RANBP17: variants seen among roughly 807,000 people sequenced by gnomAD.
The protein encoded by RANBP17 is ran-binding protein 17.
In RANBP17, 158 loss-of-function variants were observed where a neutral mutation model predicts 141.2. That is an observed-to-expected ratio of 1.12 (90% CI 0.98 to 1.28). The LOEUF (loss-of-function observed/expected upper bound fraction) is 1.28. Among genes scored for constraint, RANBP17 ranks in the 50% most tolerant of loss-of-function variants. The pLI, the probability that RANBP17 is intolerant of heterozygous loss-of-function variation, is 0.00. For missense variants in RANBP17, 1,438 were observed against 1,290.7 expected (o/e 1.11, Z -1.75); for synonymous variants, 430 against 450.0 (o/e 0.96, Z 0.56).
intron 13 of RANBP17, among the ~76,000 whole-genome samples, chr5:170,959,887 G>A (rs1385756025): frequency 6.6e-6 from 1 of 152,164 alleles, no homozygotes; most frequent in Non-Finnish European, 1.5e-5. Context: ...TACTCTCTCA[G>A]GGATGGCAGA....
At chr5:171,117,053 C>G (rs181249721) in intron 14 of RANBP17, among the ~76,000 whole-genome samples, 1 of 152,138 alleles carries the variant, frequency 6.6e-6, no homozygotes, top group Non-Finnish European at 1.5e-5. Flanking sequence ...TTTTCTTTAT[C>G]CATTTATCCA....
At chr5:171,132,984 CA>C (rs1350447283) in intron 14 of RANBP17, among the ~76,000 whole-genome samples, 3 of 152,040 alleles carry the variant, frequency 2.0e-5, no homozygotes, top group African/African-American at 7.2e-5. Flanking sequence ...CTTCTGGTTT[CA>C]AGTGATTCTT....
At chr5:170,963,273 C>T (rs1406315512) in intron 13 of RANBP17, among the ~76,000 whole-genome samples, 1 of 152,100 alleles carries the variant, frequency 6.6e-6, no homozygotes, top group East Asian at 1.9e-4. Context: ...ACTGGGTAGG[C>T]ATCTTTAAAA....
At chr5:171,159,757 T>TA (rs1209444611) in intron 14 of RANBP17, among the ~76,000 whole-genome samples, 2 of 150,864 alleles carry the variant, frequency 1.3e-5, no homozygotes, top group Non-Finnish European at 3.0e-5. Flanking sequence ...TCGTCTCTAC[T>TA]AAAAAAATAC....
intron 14 of RANBP17, among the ~76,000 whole-genome samples, chr5:171,135,620 T>C (rs1316245400): frequency 6.6e-6 from 1 of 152,192 alleles, no homozygotes; most frequent in African/African-American, 2.4e-5. Flanking sequence ...CAAAAATCAC[T>C]TTGAGTTGTT....
At chr5:170,952,479 G>A (rs911446508) in intron 12 of RANBP17, among the ~76,000 whole-genome samples, 1 of 151,986 alleles carries the variant, frequency 6.6e-6, no homozygotes, top group Non-Finnish European at 1.5e-5. Flanking sequence ...AGGTTGATAT[G>A]TCTCACCAAA....
At chr5:171,296,396 C>T (rs1477215082) in intron 27 of RANBP17, among the ~76,000 whole-genome samples, 1 of 152,024 alleles carries the variant, frequency 6.6e-6, no homozygotes, top group South Asian at 2.1e-4. Flanking sequence ...CAGACAGACC[C>T]GAGATACAGC....
intron 14 of RANBP17, among the ~76,000 whole-genome samples, chr5:171,038,519 T>C (rs1782033381): frequency 6.6e-6 from 1 of 152,154 alleles, no homozygotes; most frequent in Non-Finnish European, 1.5e-5. Context: ...ATCCTTGTCT[T>C]GTTCCAGTTC....
At chr5:171,044,687 GA>G (rs1428998124) in intron 14 of RANBP17, among the ~76,000 whole-genome samples, 2 of 152,048 alleles carry the variant, frequency 1.3e-5, no homozygotes, top group Admixed American at 1.3e-4. Flanking sequence ...AGTGTCTGGA[GA>G]AAATGATGGA....
chr5:170,957,897 C>T (rs1775847151), intron 13 of RANBP17, among the ~76,000 whole-genome samples: 1 of 152,158 alleles, frequency 6.6e-6, no homozygotes, highest in Admixed American at 6.5e-5. Context: ...AATCCATTGA[C>T]CAAAATGTTG....
chr5:171,124,536 T>G (rs1162438825), intron 14 of RANBP17, among the ~76,000 whole-genome samples: 1 of 152,106 alleles, frequency 6.6e-6, no homozygotes, highest in Non-Finnish European at 1.5e-5. Context: ...CCCTAATATA[T>G]TCAACCCAAA....
At chr5:170,995,914 T>C (rs1778789563) in intron 14 of RANBP17, among the ~76,000 whole-genome samples, 1 of 152,104 alleles carries the variant, frequency 6.6e-6, no homozygotes, top group Non-Finnish European at 1.5e-5. Context: ...TAGTTCCAGA[T>C]ACTTGGGGAA....
intron 12 of RANBP17, among the ~76,000 whole-genome samples, chr5:170,941,515 A>G (rs1268343460): frequency 6.6e-6 from 1 of 152,186 alleles, no homozygotes; most frequent in African/African-American, 2.4e-5. Flanking sequence ...CTTAAAAAAG[A>G]GACAAGAATT....
chr5:171,238,704 A>C (rs1764691221), intron 22 of RANBP17, among the ~76,000 whole-genome samples: 1 of 152,202 alleles, frequency 6.6e-6, no homozygotes, highest in East Asian at 1.9e-4. Flanking sequence ...AGGTAGAAAA[A>C]CAGTGGTGTA....
chr5:170,915,437 C>CA (rs1333467154), intron 8 of RANBP17, among the ~76,000 whole-genome samples: 1 of 152,062 alleles, frequency 6.6e-6, no homozygotes, highest in East Asian at 1.9e-4. Flanking sequence ...AAACACAGGT[C>CA]TTTTTTGCCC....
At position 171,205,142 on chromosome 5, in the gene RANBP17, G is replaced by A. The variant is rs145688119; in HGVS notation, c.2143-382G>A. Among the ~76,000 whole-genome samples the A allele has an allele frequency of 4.7e-3, 720 of 152,226 alleles. 5 individuals carry two copies. The highest frequency in any genetic ancestry group is 8.0e-3 in the Non-Finnish European group (544 of 68,020). On this transcript the variant is annotated intron_variant, in intron 19 of 27. Transcript: ENST00000523189. ...AGACTCTAAATTATGTTGTGGGGCC[G>A]CTTGCATGCAAGCCGATGTTCAAGA... is the stretch of plus-strand genomic sequence containing the variant.
chr5:171,021,372 A>T (rs1428208547), intron 14 of RANBP17, among the ~76,000 whole-genome samples: 1 of 152,204 alleles, frequency 6.6e-6, no homozygotes, highest in African/African-American at 2.4e-5. Context: ...GTGTTTTCCA[A>T]CTTGGTTCCA....
intron 14 of RANBP17, among the ~76,000 whole-genome samples, chr5:171,147,476 C>T (rs1234915671): frequency 6.8e-6 from 1 of 146,222 alleles, no homozygotes; most frequent in South Asian, 2.2e-4. Context: ...AGTGCAGTGG[C>T]GGTATCTCTG....
At chr5:171,295,803 G>C (rs1244737006) in intron 26 of RANBP17, 84 bp from the exon 27 acceptor site, 3 of 1,473,254 alleles carry the variant, frequency 2.0e-6, no homozygotes, top group Non-Finnish European at 2.8e-6. Flanking sequence ...CTGAGTAGAT[G>C]AGAGCTGCTC....
Sources: gnomAD v4.1 joint callset for allele counts (sites outside exome capture counted in the v4.1 genomes callset) on GRCh38, gnomAD v4.1.1 for gene constraint, MANE v1.5 for transcripts, NCBI Gene and HGNC (gene_info 2026-07-23, HGNC 2026-07-21) for gene names.